HS1BP3: variants seen among roughly 807,000 people sequenced by gnomAD.
The protein encoded by HS1BP3 is HCLS1 binding protein 3.
A neutral mutation model predicts 33.5 loss-of-function variants in HS1BP3; 32 were observed. The ratio of observed to expected loss-of-function variants is 0.95; its 90% CI spans 0.72 to 1.28. HS1BP3 has a LOEUF of 1.28. Ranked by LOEUF, HS1BP3 falls within the 50% of genes most tolerant of loss-of-function variation. HS1BP3 has a pLI of 0.00. For missense variants in HS1BP3, 486 were observed against 502.3 expected (o/e 0.97, Z 0.31); for synonymous variants, 187 against 209.2 (o/e 0.89, Z 0.92).
At chr2:20,585,129 C>T (rs1172190821) in intron 5 of HS1BP3, among the ~76,000 whole-genome samples, 1 of 152,102 alleles carries the variant, frequency 6.6e-6, no homozygotes, top group Non-Finnish European at 1.5e-5. Flanking sequence ...AGAGCCGTGG[C>T]TGAGGAGCTC....
chr2:20,645,526 A>G, intron 1 of HS1BP3, 21 bp from the exon 2 acceptor site: 1 of 1,603,582 alleles, frequency 6.2e-7, no homozygotes, highest in Non-Finnish European at 8.5e-7. Context: ...AAAAGAAGGC[A>G]GGTGGGGTTC....
At chr2:20,571,191 CTTGA>C (rs966454099) in intron 5 of HS1BP3, among the ~76,000 whole-genome samples, 5 of 152,212 alleles carry the variant, frequency 3.3e-5, no homozygotes, top group African/African-American at 1.2e-4. Flanking sequence ...ATGGCTGTTC[CTTGA>C]CGGTACCCCA....
At chr2:20,621,749 C>T (rs1251763102) in intron 6 of HS1BP3, among the ~76,000 whole-genome samples, 1 of 152,258 alleles carries the variant, frequency 6.6e-6, no homozygotes, top group African/African-American at 2.4e-5. Flanking sequence ...TGGAACTAAT[C>T]AGCAGCTGGA....
intron 5 of HS1BP3, among the ~76,000 whole-genome samples, chr2:20,561,080 TC>T (rs1484854342): frequency 1.3e-5 from 2 of 152,174 alleles, no homozygotes; most frequent in African/African-American, 4.8e-5. Context: ...CACTGACTCC[TC>T]TGTGCCATCT....
At chr2:20,622,410 G>A in intron 6 of HS1BP3, 5 of 995,192 alleles carry the variant, frequency 5.0e-6, no homozygotes, top group South Asian at 4.0e-5. Context: ...CACTTTTTGA[G>A]CAGGGACTCC....
At chr2:20,580,561 G>C (rs1693509672) in intron 5 of HS1BP3, among the ~76,000 whole-genome samples, 2 of 151,966 alleles carry the variant, frequency 1.3e-5, no homozygotes, top group African/African-American at 4.8e-5. Context: ...GTGGGGTGGG[G>C]AAGCAAAAAT....
chr2:20,589,526 G>T, downstream of HS1BP3, among the ~76,000 whole-genome samples: 1 of 152,190 alleles, frequency 6.6e-6, no homozygotes, highest in Non-Finnish European at 1.5e-5. Flanking sequence ...CTGAAAAATC[G>T]ACTGAGGGAC....
At chr2:20,606,316 C>T in intron 2 of HS1BP3, 1 of 464,938 alleles carries the variant, frequency 2.2e-6, no homozygotes, top group South Asian at 1.8e-5. Context: ...CATCTCCACC[C>T]TTGGTATTTC....
intron 2 of HS1BP3, chr2:20,606,662 C>A: frequency 2.3e-6 from 1 of 427,960 alleles, no homozygotes; most frequent in East Asian, 6.0e-5. Context: ...CATTGCAAAG[C>A]TCAGAGAGCA....
intron 2 of HS1BP3, among the ~76,000 whole-genome samples, chr2:20,602,400 C>T (rs188374431): frequency 1.3e-4 from 20 of 152,070 alleles, no homozygotes; most frequent in South Asian, 8.3e-4. Context: ...TTGGTTTCAT[C>T]GCAAGATGCA....
rs560725266 is a variant in HS1BP3, at chr2:20,633,499, G to C, written c.623+4937C>G. On this transcript the variant is annotated intron_variant, in intron 4 of 6. Transcript: ENST00000304031. Reference sequence around the variant, plus strand: ...ATTCATTCAGGCAGGACTTTGTGCAGTAATCTGTTTTTTTGTTTGTTTGGT... The same window carrying C: ...ATTCATTCAGGCAGGACTTTGTGCACTAATCTGTTTTTTTGTTTGTTTGGT... 7.9e-5 allele frequency among the ~76,000 whole-genome samples: 12 copies of C among 152,338 alleles called. No homozygotes were observed. In the South Asian group the frequency reaches 1.9e-3, roughly 24 times the overall value.
chr2:20,601,337 A>T (rs189816744), intron 2 of HS1BP3, among the ~76,000 whole-genome samples: 1 of 152,290 alleles, frequency 6.6e-6, no homozygotes, highest in Admixed American at 6.5e-5. Context: ...ACTCTTTGCC[A>T]CTTTAATTTG....
At chr2:20,575,795 G>A (rs1377745177) in intron 5 of HS1BP3, among the ~76,000 whole-genome samples, 1 of 152,086 alleles carries the variant, frequency 6.6e-6, no homozygotes, top group Non-Finnish European at 1.5e-5. Flanking sequence ...CCCAGCAAGG[G>A]AGGACAGGAG....
At chr2:20,560,880 G>A (rs1008535160) in intron 5 of HS1BP3, among the ~76,000 whole-genome samples, 1 of 152,266 alleles carries the variant, frequency 6.6e-6, no homozygotes. Context: ...GGTGGGAGCA[G>A]CAATGAAGGG....
intron 5 of HS1BP3, among the ~76,000 whole-genome samples, chr2:20,581,276 T>C (rs1326185413): frequency 2.0e-5 from 3 of 152,250 alleles, no homozygotes; most frequent in Non-Finnish European, 4.4e-5. Context: ...TAGTGTTCTA[T>C]TTAGTGTTCT....
In HS1BP3 at chr2:20,623,710, G is replaced by A. The variant is rs112057551; in HGVS notation, c.920+186C>T. 973 of 581,700 alleles carry A rather than the reference G, an allele frequency of 1.7e-3. 7 individuals are homozygous for A. Among genetic ancestry groups the A allele is most frequent in the African/African-American group, 0.016 (843 of 52,072 alleles). The allele number at this position is 581,700 out of a possible 1,614,324, so 36.0% of individuals were successfully genotyped here. ...AACTAGCTGAGCAGCCCTGGGCTGC[G>A]GATCCTCCCCCTCAGCCCCCTTCAC... On this transcript the variant is annotated intron_variant, in intron 6 of 6. Coordinates refer to ENST00000304031, the MANE Select transcript of HS1BP3 (RefSeq NM_022460.4).
intron 2 of HS1BP3, among the ~76,000 whole-genome samples, chr2:20,607,118 A>C (rs945124186): frequency 2.0e-5 from 3 of 147,432 alleles, no homozygotes; most frequent in African/African-American, 8.0e-5. Flanking sequence ...ATTTATGTTG[A>C]GTTAATTTTT....
intron 5 of HS1BP3, among the ~76,000 whole-genome samples, chr2:20,566,932 C>T (rs570474013): frequency 1.2e-4 from 19 of 152,152 alleles, no homozygotes; most frequent in African/African-American, 4.1e-4. Context: ...TTTCCCATTC[C>T]TAGAGGTCCC....
chr2:20,631,418 G>T (rs1694963070), intron 4 of HS1BP3, among the ~76,000 whole-genome samples: 1 of 150,476 alleles, frequency 6.6e-6, no homozygotes, highest in Non-Finnish European at 1.5e-5. Flanking sequence ...GAGAGGCTGA[G>T]GTGGGAGGAT....
Sources: allele counts gnomAD v4.1 joint callset (sites outside exome capture counted in the v4.1 genomes callset), GRCh38; gene constraint gnomAD v4.1.1; transcripts MANE v1.5; gene names NCBI Gene and HGNC (gene_info 2026-07-23, HGNC 2026-07-21).